SYCP2L: variants seen among roughly 807,000 people sequenced by gnomAD.
SYCP2L encodes synaptonemal complex protein 2-like.
Under a neutral mutation model 125.8 loss-of-function variants are expected in SYCP2L, and 98 were observed. The ratio of observed to expected loss-of-function variants is 0.78; its 90% CI spans 0.66 to 0.92. The LOEUF is 0.92. Ranked by LOEUF, SYCP2L falls within the 40% of genes least tolerant of loss-of-function variation. The probability of loss-of-function intolerance (pLI) is 0.00; values close to 1 mark genes in which losing one functional copy is unlikely to be tolerated. For synonymous variants in SYCP2L, 317 were observed against 325.4 expected (o/e 0.97, Z 0.28); for missense variants, 842 against 936.4 (o/e 0.90, Z 1.32).
At chr6:10,939,279 T>C (rs1009794578) in intron 21 of SYCP2L, among the ~76,000 whole-genome samples, 3 of 152,180 alleles carry the variant, frequency 2.0e-5, no homozygotes, top group Non-Finnish European at 4.4e-5. Context: ...ATTGGAAGAA[T>C]TGTTAAAATG....
At chr6:10,958,336 G>A (rs1231050034) in intron 25 of SYCP2L, among the ~76,000 whole-genome samples, 4 of 152,110 alleles carry the variant, frequency 2.6e-5, no homozygotes, top group Non-Finnish European at 4.4e-5. Flanking sequence ...GAAGGCCAAG[G>A]GGGAGCAGGC....
intron 4 of SYCP2L, among the ~76,000 whole-genome samples, chr6:10,895,708 G>A (rs537893505): frequency 2.0e-5 from 3 of 152,094 alleles, no homozygotes; most frequent in South Asian, 2.1e-4. Context: ...TCCACATCTC[G>A]AACTCCCAAC....
intron 1 of SYCP2L, 89 bp from the exon 2 acceptor site, chr6:10,891,424 T>A (rs1323401391): frequency 6.0e-5 from 45 of 753,762 alleles, no homozygotes; most frequent in Middle Eastern, 8.5e-4. Flanking sequence ...TTTAATTTTT[T>A]TTTTTTTTTT....
intron 14 of SYCP2L, among the ~76,000 whole-genome samples, chr6:10,923,840 C>T (rs567419663): frequency 1.1e-3 from 165 of 152,002 alleles, no homozygotes; most frequent in South Asian, 7.3e-3. Flanking sequence ...CCCACCACCA[C>T]GCCCGGCTAA....
intron 14 of SYCP2L, among the ~76,000 whole-genome samples, chr6:10,917,178 T>C (rs1780707747): frequency 6.6e-6 from 1 of 152,208 alleles, no homozygotes; most frequent in Non-Finnish European, 1.5e-5. Flanking sequence ...CAGGGTGTAG[T>C]TTAAATCCAT....
intron 19 of SYCP2L, among the ~76,000 whole-genome samples, chr6:10,931,174 C>T (rs543000418): frequency 6.6e-5 from 10 of 152,158 alleles, no homozygotes; most frequent in African/African-American, 1.9e-4. Context: ...CTGTCTCAAA[C>T]GAAACAAACT....
chr6:10,905,299 A>AT (rs560033349), intron 8 of SYCP2L, among the ~76,000 whole-genome samples: 139 of 148,606 alleles, frequency 9.4e-4, no homozygotes, highest in Non-Finnish European at 1.5e-3. Flanking sequence ...TATTATTACC[A>AT]TTTTTTTTTT....
At chr6:10,895,411 C>T (rs1044223698) in intron 4 of SYCP2L, among the ~76,000 whole-genome samples, 2 of 152,114 alleles carry the variant, frequency 1.3e-5, no homozygotes, top group Admixed American at 6.5e-5. Flanking sequence ...TCGGGTCGTA[C>T]AATCTAATTC....
At chr6:10,971,694 G>T (rs1781777574) in intron 29 of SYCP2L, among the ~76,000 whole-genome samples, 1 of 151,306 alleles carries the variant, frequency 6.6e-6, no homozygotes, top group African/African-American at 2.4e-5. Flanking sequence ...TTTTGTTTTT[G>T]TTTTTTTGAG....
At chr6:10,897,535 C>G (rs1182022822) in intron 4 of SYCP2L, among the ~76,000 whole-genome samples, 2 of 151,990 alleles carry the variant, frequency 1.3e-5, no homozygotes, top group Non-Finnish European at 2.9e-5. Context: ...CCTCAGCCTC[C>G]CAAGTAGCTG....
At chr6:10,896,062 G>A (rs1469122951) in intron 4 of SYCP2L, among the ~76,000 whole-genome samples, 2 of 152,172 alleles carry the variant, frequency 1.3e-5, no homozygotes, top group Non-Finnish European at 2.9e-5. Context: ...ACTGAGGCAG[G>A]AGAATTGCTT....
intron 6 of SYCP2L, among the ~76,000 whole-genome samples, chr6:10,899,494 G>A (rs1780341894): frequency 6.6e-6 from 1 of 152,170 alleles, no homozygotes; most frequent in Non-Finnish European, 1.5e-5. Flanking sequence ...GCTGCAGTGA[G>A]TCATGATCGT....
At chr6:10,941,103 A>G (rs1263299853) in intron 21 of SYCP2L, among the ~76,000 whole-genome samples, 1 of 152,226 alleles carries the variant, frequency 6.6e-6, no homozygotes, top group African/African-American at 2.4e-5. Flanking sequence ...AGCCGTATGT[A>G]GAAAGCTGAA....
intron 18 of SYCP2L, among the ~76,000 whole-genome samples, chr6:10,929,377 C>T (rs1255185379): frequency 6.6e-6 from 1 of 152,046 alleles, no homozygotes. Context: ...TGCTACAGCC[C>T]CTTAAGAGGC....
chr6:10,910,914 A>T, intron 12 of SYCP2L, 45 bp downstream of exon 12: 1 of 1,607,096 alleles, frequency 6.2e-7, no homozygotes, highest in Non-Finnish European at 8.5e-7. Flanking sequence ...TGTGCAGTGA[A>T]ACCAGGAGTT....
chr6:10,891,412 C>A (rs1377343522), intron 1 of SYCP2L, 101 bp from the exon 2 acceptor site: 7 of 905,548 alleles, frequency 7.7e-6, no homozygotes, highest in Middle Eastern at 3.4e-4. Flanking sequence ...ACAATACAAA[C>A]CTTTAATTTT....
chr6:10,899,003 A>G (rs1177936046), intron 6 of SYCP2L, among the ~76,000 whole-genome samples, 155 bp downstream of exon 6: 1 of 152,188 alleles, frequency 6.6e-6, no homozygotes, highest in African/African-American at 2.4e-5. Context: ...TGTCATTTGG[A>G]AATGCATTTC....
At chr6:10,894,438 A>T (rs1028789482) in intron 4 of SYCP2L, among the ~76,000 whole-genome samples, 1 of 152,254 alleles carries the variant, frequency 6.6e-6, no homozygotes, top group Non-Finnish European at 1.5e-5. Context: ...AGACACAACC[A>T]CTGCCCTTGT....
chr6:10,894,373 C>T (rs1300877679), intron 4 of SYCP2L, among the ~76,000 whole-genome samples, 169 bp downstream of exon 4: 1 of 152,224 alleles, frequency 6.6e-6, no homozygotes, highest in African/African-American at 2.4e-5. Flanking sequence ...ATTCGACATA[C>T]ATTTCCTGAT....
Sources: allele counts gnomAD v4.1 joint callset (sites outside exome capture counted in the v4.1 genomes callset), GRCh38; gene constraint gnomAD v4.1.1; transcripts MANE v1.5; gene names NCBI Gene and HGNC (gene_info 2026-07-23, HGNC 2026-07-21).